Variants in AGAP1 observed in about 807,000 individuals in gnomAD.
AGAP1 encodes arf-GAP with GTPase, ANK repeat and PH domain-containing protein 1.
AGAP1 carries 29 observed loss-of-function variants against 105.3 expected under a neutral mutation model. The observed-to-expected ratio is 0.28, with a 90% CI of 0.21 to 0.38. The LOEUF (loss-of-function observed/expected upper bound fraction) is 0.38, where lower values mean the gene tolerates loss of function less well. Among genes scored for constraint, AGAP1 ranks in the 10% least tolerant of loss-of-function variants. The pLI is 1.00. For synonymous variants in AGAP1, 509 were observed against 485.9 expected (o/e 1.05, Z -0.63); for missense variants, 998 against 1,165.1 (o/e 0.86, Z 2.09).
Position 236,125,388 on chromosome 2 carries a change from C to T in AGAP1, c.*1266C>T, listed in dbSNP as rs1367749380. On this transcript the variant is annotated 3_prime_UTR_variant, in exon 18 of 18. Transcript: ENST00000304032. The surrounding 1 kb of genome is among the most constrained non-coding windows in gnomAD (Gnocchi z 5.2). ...CATGGAAAATATTCCCAGCAGTAAACACTTCCATTAATGTGATCTACGGCT... is the reference window on the plus strand; with the variant it reads ...CATGGAAAATATTCCCAGCAGTAAATACTTCCATTAATGTGATCTACGGCT... 6.6e-6 allele frequency: 1 copy of T among 152,466 alleles called. No homozygotes were observed. The highest frequency in any genetic ancestry group is 2.4e-5 in the African/African-American group (1 of 41,388). 9.4% of individuals were successfully genotyped at this position (152,466 alleles called of 1,614,324 possible).
intron 9 of AGAP1, among the ~76,000 whole-genome samples, chr2:235,846,597 C>T (rs76235709): frequency 0.028 from 4,296 of 151,816 alleles, 94 homozygotes; most frequent in Non-Finnish European, 0.042. Flanking sequence ...TGTAAAAGTA[C>T]TAGTATTACA....
At chr2:235,731,627 T>C (rs1951952050) in intron 3 of AGAP1, among the ~76,000 whole-genome samples, 1 of 152,170 alleles carries the variant, frequency 6.6e-6, no homozygotes, top group Non-Finnish European at 1.5e-5. Flanking sequence ...GCTCTCCATG[T>C]GTGAGTTTCC....
chr2:236,085,184 C>G (rs1465168250), intron 16 of AGAP1, among the ~76,000 whole-genome samples: 3 of 145,356 alleles, frequency 2.1e-5, no homozygotes, highest in Non-Finnish European at 4.5e-5. Context: ...CCACTGCACT[C>G]CAGCCTGGGC....
In AGAP1 at chr2:235,661,000, T is replaced by A. The variant is rs1041924532; in HGVS notation, c.164-48179T>A. Among the ~76,000 whole-genome samples, 1 of 152,144 alleles carries A rather than the reference T, an allele frequency of 6.6e-6. No individual in the cohort carries two copies. The highest frequency in any genetic ancestry group is 1.5e-5 in the Non-Finnish European group (1 of 68,032). On this transcript the variant is annotated intron_variant, in intron 1 of 17. Coordinates refer to ENST00000304032, the MANE Select transcript of AGAP1 (RefSeq NM_001037131.3). This position sits in a 1 kb window ranked among gnomAD's most constrained non-coding sequence, Gnocchi z 5.3. ...AATACTGGTTAAGGAAACGGACGCTTTATTCTGCAGGTGACAGGGACTCAC... is the reference window on the plus strand; with the variant it reads ...AATACTGGTTAAGGAAACGGACGCTATATTCTGCAGGTGACAGGGACTCAC...
chr2:236,082,058 A>G lies in AGAP1; in HGVS notation c.2114+32777A>G, dbSNP rs1008189721. Among the ~76,000 whole-genome samples, 2 of 152,196 alleles carry G rather than the reference A, an allele frequency of 1.3e-5. No individual in the cohort carries two copies. Among genetic ancestry groups the G allele is most frequent in the Non-Finnish European group, 2.9e-5 (2 of 68,028 alleles). ...GAAAAAAGAGTTGTTTTAATGTTGG[A>G]AAAAGGCAGCATGAAAGGTAAGGCT... On this transcript the variant is annotated intron_variant, in intron 16 of 17. Coordinates refer to ENST00000304032, the MANE Select transcript of AGAP1 (RefSeq NM_001037131.3). This position sits in a 1 kb window ranked among gnomAD's most constrained non-coding sequence, Gnocchi z 4.2.
chr2:235,717,723 CTT>C, intron 3 of AGAP1, 79 bp downstream of exon 3: 1 of 1,198,500 alleles, frequency 8.3e-7, no homozygotes, highest in Non-Finnish European at 1.2e-6. Flanking sequence ...TAAATCATGA[CTT>C]TGATGTATCA....
rs1411778615 is a variant in AGAP1 at position 235,893,798 on chromosome 2, A to G, written c.1155+10349A>G. Reference sequence around the variant, plus strand: ...TCACAGTGACTTGAGTGCCACCACAATGAAGTTTCCAATCGTGTGACTCCT... The same window carrying G: ...TCACAGTGACTTGAGTGCCACCACAGTGAAGTTTCCAATCGTGTGACTCCT... On this transcript the variant is annotated intron_variant, in intron 10 of 17. Coordinates refer to ENST00000304032, the MANE Select transcript of AGAP1 (RefSeq NM_001037131.3). The surrounding 1 kb of genome is among the most constrained non-coding windows in gnomAD (Gnocchi z 4.7). Among the ~76,000 whole-genome samples, 2 of 152,172 alleles carry G rather than the reference A, an allele frequency of 1.3e-5. No individual in the cohort carries two copies. The highest frequency in any genetic ancestry group is 1.9e-4 in the East Asian group (1 of 5,190).
At chr2:236,048,935 C>T in intron 15 of AGAP1, 124 bp from the exon 16 acceptor site, 3 of 917,118 alleles carry the variant, frequency 3.3e-6, no homozygotes, top group Admixed American at 2.5e-5. Context: ...AGCATTTTTT[C>T]TCGCCATGGA....
rs1728287 is a variant in AGAP1, at chr2:235,726,472, A to G, written c.310+8828A>G. The stretch of plus-strand genomic sequence containing the variant: ...ATTTTTCCTAGAGAAATTTTACCCC[A>G]AAAGTGTTCTGAGGCTGTGGGTGCA... On this transcript the variant is annotated intron_variant, in intron 3 of 17. Coordinates refer to ENST00000304032, the MANE Select transcript of AGAP1 (RefSeq NM_001037131.3). Among the ~76,000 whole-genome samples the G allele has an allele frequency of 5.3e-5, 8 of 152,352 alleles. No individual in the cohort carries two copies. The East Asian group carries it at 9.6e-4, about 18-fold the overall frequency.
At chr2:235,852,658 A>AT (rs1277079469) in intron 9 of AGAP1, 36 of 1,432,462 alleles carry the variant, frequency 2.5e-5, no homozygotes, top group Admixed American at 1.2e-4. Context: ...GTTGTGAAGA[A>AT]TTTTTTTTAT....
At chr2:235,680,029 C>T (rs773967626) in intron 1 of AGAP1, among the ~76,000 whole-genome samples, 25 of 152,170 alleles carry the variant, frequency 1.6e-4, no homozygotes, top group Non-Finnish European at 2.6e-4. Context: ...TAAAAAGCAC[C>T]GTGGCTTAAC....
chr2:235,974,077 T>G (rs2054763243), intron 13 of AGAP1, among the ~76,000 whole-genome samples: 1 of 152,206 alleles, frequency 6.6e-6, no homozygotes, highest in Admixed American at 6.5e-5. Flanking sequence ...TGGTTCTCGT[T>G]AGTTTTATAA....
At chr2:235,881,326 A>T (rs1219311695) in intron 9 of AGAP1, among the ~76,000 whole-genome samples, 6 of 152,196 alleles carry the variant, frequency 3.9e-5, no homozygotes. Flanking sequence ...GGCTGGGAAA[A>T]GTTCTGAAGG....
At chr2:235,718,401 T>C in intron 3 of AGAP1, 1 of 985,716 alleles carries the variant, frequency 1.0e-6, no homozygotes, top group South Asian at 4.7e-5. Context: ...AGGTAACTAT[T>C]CATTTTCTTC....
In AGAP1 at chr2:235,665,534, G is replaced by A. The variant is rs1424246616; in HGVS notation, c.164-43645G>A. ...TCAGTTCCTAGAAGCTGAGCATCATGGCAAATCTTAGCTTAGAAACCATTC... is the reference window on the plus strand; with the variant it reads ...TCAGTTCCTAGAAGCTGAGCATCATAGCAAATCTTAGCTTAGAAACCATTC... On this transcript the variant is annotated intron_variant, in intron 1 of 17. Transcript: ENST00000304032. This position sits in a 1 kb window ranked among gnomAD's most constrained non-coding sequence, Gnocchi z 5.3. 1.3e-5 allele frequency among the ~76,000 whole-genome samples: 2 copies of A among 152,192 alleles called. No homozygotes were observed. The highest frequency in any genetic ancestry group is 2.9e-5 in the Non-Finnish European group (2 of 68,036).
chr2:235,741,180 C>T lies in AGAP1; in HGVS notation c.396+132C>T. On this transcript the variant is annotated intron_variant, in intron 4 of 17. Transcript: ENST00000304032. The surrounding 1 kb of genome is among the most constrained non-coding windows in gnomAD (Gnocchi z 4.9). ...AAACCCCATAAAAAATGTTTCCTCTCACTGCATTTTTTTCTCATCTCTAAG... is the reference window on the plus strand; with the variant it reads ...AAACCCCATAAAAAATGTTTCCTCTTACTGCATTTTTTTCTCATCTCTAAG... 1 of 656,332 alleles carries T rather than the reference C, an allele frequency of 1.5e-6. No homozygotes were observed. The highest frequency in any genetic ancestry group is 3.3e-5 in the Admixed American group (1 of 29,886). 40.7% of individuals were successfully genotyped at this position (656,332 alleles called of 1,614,324 possible).
intron 8 of AGAP1, among the ~76,000 whole-genome samples, chr2:235,805,039 G>GGTT (rs1451775768): frequency 3.9e-5 from 6 of 152,158 alleles, no homozygotes; most frequent in Non-Finnish European, 8.8e-5. Flanking sequence ...GATTTAGTCT[G>GGTT]GTTGTTGGAT....
At position 236,124,252 on chromosome 2, in the gene AGAP1, C is replaced by A; in HGVS notation, c.*130C>A. 1.0e-6 allele frequency: 1 copy of A among 992,878 alleles called. No individual in the cohort carries two copies. Among genetic ancestry groups the A allele is most frequent in the Non-Finnish European group, 1.5e-6 (1 of 670,606 alleles). The allele number at this position is 992,878 out of a possible 1,614,324, so 61.5% of individuals were successfully genotyped here. On this transcript the variant is annotated 3_prime_UTR_variant, in exon 18 of 18. Transcript: ENST00000304032. The surrounding 1 kb of genome is among the most constrained non-coding windows in gnomAD (Gnocchi z 5.1). The stretch of plus-strand genomic sequence containing the variant: ...TCCTGGTGGCCACCTCCCTCCCGCC[C>A]ACCCACTCTCACCCCAAACAAAATC...
chr2:235,796,522 G>C (rs148717949), intron 6 of AGAP1, among the ~76,000 whole-genome samples: 157 of 152,202 alleles, frequency 1.0e-3, no homozygotes, highest in African/African-American at 3.7e-3. Flanking sequence ...TTGGAGGTGG[G>C]ATGTAACTAA....
Sources: gnomAD v4.1 joint callset for allele counts (sites outside exome capture counted in the v4.1 genomes callset) on GRCh38, gnomAD v4.1.1 for gene constraint, Gnocchi (gnomAD v3.1) non-coding constraint, MANE v1.5 for transcripts, NCBI Gene and HGNC (gene_info 2026-07-23, HGNC 2026-07-21) for gene names.